Variants in GRM6 observed in about 807,000 individuals in gnomAD.
The protein encoded by GRM6 is metabotropic glutamate receptor 6.
In GRM6, 73 loss-of-function variants were observed where a neutral mutation model predicts 78.4. That is an observed-to-expected ratio of 0.93 (90% CI 0.77 to 1.13). The LOEUF is 1.13. Among genes scored for constraint, GRM6 ranks in the 50% most tolerant of loss-of-function variants. The pLI is 0.00. For synonymous variants in GRM6, 580 were observed against 555.0 expected (o/e 1.05, Z -0.63); for missense variants, 1,251 against 1,256.4 (o/e 1.00, Z 0.07).
At position 178,981,570 on chromosome 5, in the gene GRM6, C is replaced by T. The variant is rs1760395137; in HGVS notation, c.*87G>A. ...CAAACTCCCTGCCACTGACTGTTCACCGTGGACCCGGGCTCTATACAGCTT... is the reference window on the plus strand; with the variant it reads ...CAAACTCCCTGCCACTGACTGTTCATCGTGGACCCGGGCTCTATACAGCTT... On this transcript the variant is annotated 3_prime_UTR_variant, in exon 11 of 11. Transcript: ENST00000517717. This position sits in a 1 kb window ranked among gnomAD's most constrained non-coding sequence, Gnocchi z 5.1. The T allele has an allele frequency of 3.8e-6, 4 of 1,045,896 alleles. No homozygotes were observed. In the Admixed American group the frequency reaches 7.7e-5, roughly 20 times the overall value. 64.8% of individuals were successfully genotyped at this position (1,045,896 alleles called of 1,614,324 possible).
chr5:178,990,777 G>C, intron 4 of GRM6, 31 bp from the exon 5 acceptor site: 1 of 1,537,376 alleles, frequency 6.5e-7, no homozygotes, highest in East Asian at 2.4e-5. Flanking sequence ...GTGAGGGAGG[G>C]CCTGGGAGCC....
At chr5:178,985,717 A>AC (rs1554113575) in intron 9 of GRM6, 19 of 419,656 alleles carry the variant, frequency 4.5e-5, no homozygotes, top group South Asian at 2.6e-4. Flanking sequence ...AAAAAAAACA[A>AC]AACAACACAG....
intron 2 of GRM6, among the ~76,000 whole-genome samples, chr5:178,993,839 CAGG>C (rs1222668878): frequency 1.3e-5 from 2 of 152,138 alleles, no homozygotes; most frequent in Admixed American, 1.3e-4. Flanking sequence ...GGGCAGGGTG[CAGG>C]AGACCAGAGC....
rs1234542085 is a variant in GRM6 at position 178,994,813 on chromosome 5, C to T, written c.132G>A (p.Leu44=). 2 of 1,264,020 alleles carry T rather than the reference C, an allele frequency of 1.6e-6. No individual in the cohort carries two copies. The highest frequency in any genetic ancestry group is 7.8e-5 in the Admixed American group (2 of 25,798). The allele number at this position is 1,264,020 out of a possible 1,614,324, so 78.3% of individuals were successfully genotyped here. ...CCGCGCCCCGCGCGTGCACCGGGAA[C>T]AGGCCGCCCAGCGTCAGGCCGCCCG... is the stretch of plus-strand genomic sequence containing the variant. ...RLAGGLTLGG[L]FPVHARGAAG... Residue 44 remains leucine, a synonymous_variant, in exon 2 of 11, where the codon CTG becomes CTA. Coordinates refer to ENST00000517717, the MANE Select transcript of GRM6 (RefSeq NM_000843.4).
rs57384538 is a variant in GRM6 at position 178,993,894 on chromosome 5, G to A, written c.504+547C>T. 2.8e-3 allele frequency among the ~76,000 whole-genome samples: 429 copies of A among 152,262 alleles called. 4 individuals carry two copies. Among genetic ancestry groups the A allele is most frequent in the African/African-American group, 9.8e-3 (408 of 41,554 alleles). On this transcript the variant is annotated intron_variant, in intron 2 of 10. Coordinates refer to ENST00000517717, the MANE Select transcript of GRM6 (RefSeq NM_000843.4). ...CGCCCTGCTCTCAGATGCCCCTTGAGGGAGAGTTCAAGGCATTTTGAAAAT... is the reference window on the plus strand; with the variant it reads ...CGCCCTGCTCTCAGATGCCCCTTGAAGGAGAGTTCAAGGCATTTTGAAAAT...
In GRM6 at chr5:178,986,823, G is replaced by C; in HGVS notation, c.1500+15C>G. 6.2e-7 allele frequency: 1 copy of C among 1,613,448 alleles called. No individual in the cohort carries two copies. Among genetic ancestry groups the C allele is most frequent in the Non-Finnish European group, 8.5e-7 (1 of 1,179,902 alleles). ...CTGGGCCCATGCCCACCTGGGGCTC[G>C]GTCTGCACACTCACATCCAGTCTGA... On this transcript the variant is annotated intron_variant, in intron 8 of 10. Transcript: ENST00000517717.
chr5:178,987,915 A>ACACC (rs1353583647), intron 7 of GRM6, among the ~76,000 whole-genome samples: 1 of 144,108 alleles, frequency 6.9e-6, no homozygotes, highest in African/African-American at 2.5e-5. Context: ...ACCCGTCGCC[A>ACACC]TGCCCAGCTA....
At chr5:178,983,842 C>G (rs1043535376) in intron 9 of GRM6, among the ~76,000 whole-genome samples, 2 of 152,214 alleles carry the variant, frequency 1.3e-5, no homozygotes, top group Non-Finnish European at 2.9e-5. Context: ...AGGAACGAAG[C>G]CACCTGCATA....
At chr5:178,984,923 C>T (rs893562260) in intron 9 of GRM6, among the ~76,000 whole-genome samples, 1 of 152,164 alleles carries the variant, frequency 6.6e-6, no homozygotes, top group African/African-American at 2.4e-5. Context: ...AGGTCACCCT[C>T]CCCAAGCCAT....
chr5:178,979,873 G>A lies in GRM6; in HGVS notation c.*1784C>T, dbSNP rs1298967634. 6.5e-6 allele frequency: 1 copy of A among 154,352 alleles called. No homozygotes were observed. The highest frequency in any genetic ancestry group is 1.5e-5 in the Non-Finnish European group (1 of 68,250). The allele number at this position is 154,352 out of a possible 1,614,324, so 9.6% of individuals were successfully genotyped here. Reference sequence around the variant, plus strand: ...AGAAGAGCCCTATACAATCACGAGGGTGGAACCGCCTTTGGCAAGAAAACA... The same window carrying A: ...AGAAGAGCCCTATACAATCACGAGGATGGAACCGCCTTTGGCAAGAAAACA... On this transcript the variant is annotated 3_prime_UTR_variant, in exon 11 of 11. Coordinates refer to ENST00000517717, the MANE Select transcript of GRM6 (RefSeq NM_000843.4).
Position 178,991,548 on chromosome 5 carries a change from T to C in GRM6, c.733A>G (p.Ile245Val), listed in dbSNP as rs62638207. The C allele has an allele frequency of 2.4e-3, 3,912 of 1,613,710 alleles. 40 individuals are homozygous for C. The highest frequency in any genetic ancestry group is 0.02 in the South Asian group (1,810 of 91,066). ...CTGGGAATCTTGATAGACTGGGCAA[T>C]ACAGACCCCCCCTGGGCGTTGGGGG... is the stretch of plus-strand genomic sequence containing the variant. ...QISREAGGVCIAQSIKIPREP... is the reference protein window; with the variant it reads ...QISREAGGVCVAQSIKIPREP... Residue 245 changes from isoleucine (I) to valine (V), a missense_variant, in exon 4 of 11, where the codon ATT becomes GTT. Coordinates refer to ENST00000517717, the MANE Select transcript of GRM6 (RefSeq NM_000843.4). This position sits in a 1 kb window ranked among gnomAD's most constrained non-coding sequence, Gnocchi z 5.0.
chr5:178,992,428 G>T lies in GRM6; in HGVS notation c.505-345C>A, dbSNP rs924529676. On this transcript the variant is annotated intron_variant, in intron 2 of 10. Coordinates refer to ENST00000517717, the MANE Select transcript of GRM6 (RefSeq NM_000843.4). This position sits in a 1 kb window ranked among gnomAD's most constrained non-coding sequence, Gnocchi z 4.9. ...CAGAGGGCCTGCAGCCCATCCAGCT[G>T]CATCTGCCTGTCCTAGTCAGGCCCA... The T allele has an allele frequency of 4.9e-5, 21 of 430,946 alleles. 1 individual carries two copies. Among genetic ancestry groups the T allele is most frequent in the South Asian group, 3.9e-4 (21 of 54,310 alleles). The allele number at this position is 430,946 out of a possible 1,614,324, so 26.7% of individuals were successfully genotyped here.
Position 178,991,307 on chromosome 5 carries a change from G to GA in GRM6, c.857+116_857+117insT. 2 of 1,033,582 alleles carry GA rather than the reference G, an allele frequency of 1.9e-6. No individual in the cohort carries two copies. The highest frequency in any genetic ancestry group is 3.0e-6 in the Non-Finnish European group (2 of 663,040). 64.0% of individuals were successfully genotyped at this position (1,033,582 alleles called of 1,614,324 possible). ...GAGGCAGCAGCAGGGAAGGTGGGGG[G>GA]TGCGGGGAGCAGGGGAAAGGGAGGC... On this transcript the variant is annotated intron_variant, in intron 4 of 10. Coordinates refer to ENST00000517717, the MANE Select transcript of GRM6 (RefSeq NM_000843.4). This position sits in a 1 kb window ranked among gnomAD's most constrained non-coding sequence, Gnocchi z 5.0.
rs185307305 is a variant in GRM6, at chr5:178,991,840, C to T, written c.721+27G>A. The T allele has an allele frequency of 1.3e-6, 2 of 1,589,830 alleles. No homozygotes were observed. The highest frequency in any genetic ancestry group is 4.5e-5 in the East Asian group (2 of 44,556). ...CCCCGGGCCCACACTATGTAGACTCCTTGGTGCCTCGGAGCCCCCAGCTCA... is the reference window on the plus strand; with the variant it reads ...CCCCGGGCCCACACTATGTAGACTCTTTGGTGCCTCGGAGCCCCCAGCTCA... On this transcript the variant is annotated intron_variant, in intron 3 of 10. Coordinates refer to ENST00000517717, the MANE Select transcript of GRM6 (RefSeq NM_000843.4). The surrounding 1 kb of genome is among the most constrained non-coding windows in gnomAD (Gnocchi z 5.0).
At chr5:178,989,673 C>T in intron 5 of GRM6, 1 of 558,080 alleles carries the variant, frequency 1.8e-6, no homozygotes, top group Non-Finnish European at 3.2e-6. Context: ...TCCAGGGTAG[C>T]ACTTACATGC....
At position 178,991,335 on chromosome 5, in the gene GRM6, GGA is replaced by G. The variant is rs1760667589; in HGVS notation, c.857+87_857+88del. 5.6e-6 allele frequency: 7 copies of G among 1,239,864 alleles called. No homozygotes were observed. The South Asian group carries it at 8.4e-5, about 15-fold the overall frequency. 76.8% of individuals were successfully genotyped at this position (1,239,864 alleles called of 1,614,324 possible). ...CGGGGAGCAGGGGAAAGGGAGGCAG[GGA>G]GAGTGTGTAAGGTGGCGATGTGCAA... On this transcript the variant is annotated intron_variant, in intron 4 of 10. Transcript: ENST00000517717. This position sits in a 1 kb window ranked among gnomAD's most constrained non-coding sequence, Gnocchi z 5.0.
chr5:178,990,807 TCC>T, intron 4 of GRM6, 61 bp from the exon 5 acceptor site: 1 of 1,361,504 alleles, frequency 7.3e-7, no homozygotes, highest in Non-Finnish European at 1.0e-6. Flanking sequence ...TCGGCCCCCA[TCC>T]CTTCCCACTC....
chr5:178,987,055 G>A (rs1760581965), intron 7 of GRM6, 72 bp from the exon 8 acceptor site: 1 of 1,483,810 alleles, frequency 6.7e-7, no homozygotes, highest in Admixed American at 1.8e-5. Context: ...AGGCCCCAGG[G>A]ACCAGCAGGA....
Position 178,982,871 on chromosome 5 carries a change from C to T in GRM6, c.2436+39G>A, listed in dbSNP as rs74583067. ...TGAATGAATCGACCAGCCTGACAGG[C>T]AGGAAACAGGCAGCGAGACCTCCTG... On this transcript the variant is annotated intron_variant, in intron 10 of 10. Coordinates refer to ENST00000517717, the MANE Select transcript of GRM6 (RefSeq NM_000843.4). The T allele has an allele frequency of 3.1e-5, 45 of 1,431,266 alleles. No homozygotes were observed. The East Asian group carries it at 1.0e-3, about 32-fold the overall frequency. The allele number at this position is 1,431,266 out of a possible 1,614,324, so 88.7% of individuals were successfully genotyped here.
Sources: gnomAD v4.1 joint callset for allele counts (sites outside exome capture counted in the v4.1 genomes callset) on GRCh38, gnomAD v4.1.1 for gene constraint, Gnocchi (gnomAD v3.1) non-coding constraint, MANE v1.5 for transcripts, NCBI Gene and HGNC (gene_info 2026-07-23, HGNC 2026-07-21) for gene names.